ZNF644: variants seen among roughly 807,000 people sequenced by gnomAD.
ZNF644 encodes zinc finger motif enhancer binding protein 2.
Under a neutral mutation model 108.0 loss-of-function variants are expected in ZNF644, and 20 were observed. That is an observed-to-expected ratio of 0.19 (90% CI 0.13 to 0.27). The LOEUF is 0.27. ZNF644 is among the 10% of genes least tolerant of loss of function. ZNF644 has a pLI of 1.00. For synonymous variants in ZNF644, 542 were observed against 539.1 expected (o/e 1.01, Z -0.08); for missense variants, 1,338 against 1,548.9 (o/e 0.86, Z 2.29).
intron 4 of ZNF644, among the ~76,000 whole-genome samples, chr1:90,921,540 C>T (rs1649439255): frequency 1.3e-5 from 2 of 151,850 alleles, no homozygotes; most frequent in Non-Finnish European, 2.9e-5. Flanking sequence ...TCTTCTCAAG[C>T]ATAAGCTTCT....
intron 4 of ZNF644, among the ~76,000 whole-genome samples, chr1:90,933,620 C>T (rs926808575): frequency 2.0e-5 from 3 of 151,982 alleles, no homozygotes; most frequent in East Asian, 1.9e-4. Flanking sequence ...GCCGAGATCG[C>T]GCCACTGCAC....
chr1:90,996,603 G>C (rs890841057), intron 1 of ZNF644, among the ~76,000 whole-genome samples: 2 of 152,138 alleles, frequency 1.3e-5, no homozygotes, highest in African/African-American at 4.8e-5. Flanking sequence ...TGGGCAACAT[G>C]GTGGTACCCC....
intron 4 of ZNF644, among the ~76,000 whole-genome samples, chr1:90,934,928 G>C (rs1209560827): frequency 3.9e-5 from 6 of 151,940 alleles, no homozygotes; most frequent in Non-Finnish European, 8.8e-5. Flanking sequence ...TTTATGCTAT[G>C]TTGCCCAGGC....
chr1:90,923,623 G>C (rs1649712586), intron 4 of ZNF644, among the ~76,000 whole-genome samples: 1 of 151,796 alleles, frequency 6.6e-6, no homozygotes, highest in Non-Finnish European at 1.5e-5. Flanking sequence ...TAATTTTTTA[G>C]TACCCTAAAT....
chr1:90,927,768 C>T (rs553969130), intron 4 of ZNF644, among the ~76,000 whole-genome samples: 5 of 152,108 alleles, frequency 3.3e-5, no homozygotes, highest in Non-Finnish European at 5.9e-5. Context: ...TAAGTTTAAC[C>T]ATACCATTCC....
chr1:90,973,708 A>T lies in ZNF644; in HGVS notation c.44+8602T>A, dbSNP rs552882626. On this transcript the variant is annotated intron_variant, in intron 2 of 5. Coordinates refer to ENST00000337393, the MANE Select transcript of ZNF644 (RefSeq NM_201269.3). ...CCACGATTTTTGTTTTTACCAGTTT[A>T]AAAAATAGAAGAGCCCGTCATCTAT... is the stretch of plus-strand genomic sequence containing the variant. 3.9e-5 allele frequency among the ~76,000 whole-genome samples: 6 copies of T among 152,256 alleles called. No individual in the cohort carries two copies. The East Asian group carries it at 1.2e-3, about 29-fold the overall frequency.
rs192735756 is a variant in ZNF644, at chr1:90,975,496, G to A, written c.44+6814C>T. 9.8e-4 allele frequency among the ~76,000 whole-genome samples: 144 copies of A among 147,588 alleles called. 4 individuals carry two copies. In the East Asian group the frequency reaches 0.022, roughly 23 times the overall value. The stretch of plus-strand genomic sequence containing the variant: ...TCTGTCTCCCAGGCTGGAGCGCAAT[G>A]GCGCGATCTCGGCTCACTGCAACCT... On this transcript the variant is annotated intron_variant, in intron 2 of 5. Transcript: ENST00000337393.
intron 1 of ZNF644, among the ~76,000 whole-genome samples, chr1:90,999,652 ACAT>A (rs1251784588): frequency 6.6e-6 from 1 of 152,196 alleles, no homozygotes; most frequent in Non-Finnish European, 1.5e-5. Flanking sequence ...TAACCAGCTA[ACAT>A]CATAATGACA....
At chr1:91,006,363 T>C (rs1305122213) in intron 1 of ZNF644, among the ~76,000 whole-genome samples, 2 of 152,168 alleles carry the variant, frequency 1.3e-5, no homozygotes, top group African/African-American at 2.4e-5. Flanking sequence ...GAGCCAAGAC[T>C]GTGCCATTGC....
At chr1:90,959,121 A>ATATATATATATAT (rs1570436088) in intron 2 of ZNF644, among the ~76,000 whole-genome samples, 1 of 152,202 alleles carries the variant, frequency 6.6e-6, no homozygotes, top group East Asian at 1.9e-4. Context: ...ATATTTCTCA[A>ATATATATATATAT]AAAAAGATAT....
intron 2 of ZNF644, chr1:90,973,260 G>A (rs1163233830): frequency 1.3e-5 from 2 of 152,092 alleles, no homozygotes; most frequent in Admixed American, 6.6e-5. Context: ...ATAAATGGGT[G>A]AGAGTATAAT....
At chr1:90,943,600 A>G (rs1380823850) in intron 2 of ZNF644, among the ~76,000 whole-genome samples, 1 of 152,162 alleles carries the variant, frequency 6.6e-6, no homozygotes, top group Non-Finnish European at 1.5e-5. Context: ...TTTTATACCA[A>G]CAATCATTTT....
intron 1 of ZNF644, chr1:91,021,223 G>A (rs1570605970): frequency 6.6e-6 from 1 of 152,596 alleles, no homozygotes; most frequent in Non-Finnish European, 1.5e-5. Context: ...AAAAGCTTTA[G>A]CTGGACACCC....
chr1:90,964,089 T>C (rs930579606), intron 2 of ZNF644, among the ~76,000 whole-genome samples: 1 of 152,164 alleles, frequency 6.6e-6, no homozygotes. Context: ...TACTTCAAGA[T>C]CCTTTATCTA....
chr1:90,950,445 T>C (rs1482065510), intron 2 of ZNF644, among the ~76,000 whole-genome samples: 4 of 151,790 alleles, frequency 2.6e-5, no homozygotes, highest in Non-Finnish European at 4.4e-5. Context: ...CAAAAGCAGA[T>C]TGTGTTTCTT....
chr1:90,924,414 T>C (rs1307567003), intron 4 of ZNF644, among the ~76,000 whole-genome samples: 1 of 152,182 alleles, frequency 6.6e-6, no homozygotes, highest in Non-Finnish European at 1.5e-5. Context: ...GTCACTTTTG[T>C]TGAGAATTAC....
At chr1:90,959,390 T>A (rs1334552476) in intron 2 of ZNF644, among the ~76,000 whole-genome samples, 1 of 152,188 alleles carries the variant, frequency 6.6e-6, no homozygotes, top group Admixed American at 6.5e-5. Context: ...AGCTATTCAA[T>A]GCCTAGATAT....
chr1:91,002,272 C>G (rs1658926133), intron 1 of ZNF644, among the ~76,000 whole-genome samples: 1 of 152,158 alleles, frequency 6.6e-6, no homozygotes, highest in African/African-American at 2.4e-5. Context: ...TACCTGACTT[C>G]AAACTATACT....
chr1:90,964,748 A>G (rs765895471), intron 2 of ZNF644, among the ~76,000 whole-genome samples: 5 of 152,324 alleles, frequency 3.3e-5, no homozygotes, highest in South Asian at 2.1e-4. Context: ...ACAAATTTAA[A>G]TAAGACTGTG....
Sources: gnomAD v4.1 joint callset for allele counts (sites outside exome capture counted in the v4.1 genomes callset) on GRCh38, gnomAD v4.1.1 for gene constraint, MANE v1.5 for transcripts, NCBI Gene and HGNC (gene_info 2026-07-23, HGNC 2026-07-21) for gene names.